Variants in PCDHA1 observed in about 807,000 individuals in gnomAD.
The protein encoded by PCDHA1 is protocadherin alpha-1.
PCDHA1 carries 42 observed loss-of-function variants against 61.3 expected under a neutral mutation model. The observed-to-expected ratio is 0.69, with a 90% CI of 0.54 to 0.89. The LOEUF is 0.89. Among genes scored for constraint, PCDHA1 ranks in the 40% least tolerant of loss-of-function variants. The probability of loss-of-function intolerance (pLI) is 0.00; values close to 1 mark genes in which losing one functional copy is unlikely to be tolerated. For synonymous variants in PCDHA1, 610 were observed against 553.8 expected, an observed-to-expected ratio of 1.10 and a Z score of -1.43; for missense variants, 1,256 against 1,235.3, an observed-to-expected ratio of 1.02 and a Z score of -0.25.
intron 1 of PCDHA1, chr5:140,849,880 T>G (rs2150456156): frequency 3.1e-6 from 5 of 1,598,328 alleles, no homozygotes; most frequent in Non-Finnish European, 4.3e-6. Context: ...GAGTACACGG[T>G]GTTCGTGAAG....
intron 1 of PCDHA1, chr5:140,878,044 G>A (rs1554170271): frequency 1.9e-6 from 1 of 516,218 alleles, no homozygotes; most frequent in Admixed American, 3.9e-5. Flanking sequence ...TGGAGGCCAT[G>A]GAGCACCACA....
intron 1 of PCDHA1, among the ~76,000 whole-genome samples, chr5:140,904,096 T>C (rs2153483454): frequency 6.6e-6 from 1 of 152,312 alleles, no homozygotes; most frequent in Admixed American, 6.5e-5. Flanking sequence ...AATAACTACT[T>C]TAGTGGTCAT....
At chr5:140,898,133 G>T (rs2153459320) in intron 1 of PCDHA1, among the ~76,000 whole-genome samples, 1 of 152,202 alleles carries the variant, frequency 6.6e-6, no homozygotes, top group African/African-American at 2.4e-5. Flanking sequence ...CTCCCATTTT[G>T]TAGGTTGCCT....
chr5:140,946,781 G>A (rs1006814243), intron 1 of PCDHA1, among the ~76,000 whole-genome samples: 6 of 151,330 alleles, frequency 4.0e-5, no homozygotes, highest in African/African-American at 1.2e-4. Flanking sequence ...ATGTAAAAAA[G>A]CTGATCTTAT....
intron 1 of PCDHA1, among the ~76,000 whole-genome samples, chr5:140,960,851 T>C (rs782540669): frequency 5.3e-5 from 8 of 152,210 alleles, no homozygotes; most frequent in Non-Finnish European, 7.3e-5. Context: ...TAATGGCAAC[T>C]ATAAGCCAGA....
At chr5:140,997,884 C>G (rs2097789340) in intron 3 of PCDHA1, among the ~76,000 whole-genome samples, 1 of 152,076 alleles carries the variant, frequency 6.6e-6, no homozygotes, top group African/African-American at 2.4e-5. Context: ...AGTATTTATA[C>G]AGGATAAATT....
chr5:141,010,612 A>C lies in PCDHA1; in HGVS notation c.*675A>C. Reference sequence around the variant, plus strand: ...GTTGGCTGTGACGTCATTATACCTAAAATCTGCATCATACCTGCAAGCCAA... The same window carrying C: ...GTTGGCTGTGACGTCATTATACCTACAATCTGCATCATACCTGCAAGCCAA... On this transcript the variant is annotated 3_prime_UTR_variant, in exon 4 of 4. Transcript: ENST00000504120. 1 of 196,976 alleles carries C rather than the reference A, an allele frequency of 5.1e-6. No individual in the cohort carries two copies. The highest frequency in any genetic ancestry group is 1.0e-5 in the Non-Finnish European group (1 of 95,484). 12.2% of individuals were successfully genotyped at this position (196,976 alleles called of 1,614,324 possible). A position where few individuals can be genotyped will look rare whatever the true frequency, so the allele number is the denominator to read the frequency against.
intron 1 of PCDHA1, chr5:140,795,159 G>A: frequency 6.2e-7 from 1 of 1,614,070 alleles, no homozygotes; most frequent in Non-Finnish European, 8.5e-7. Flanking sequence ...GCCTGTTCCG[G>A]GTGGCGTCCA....
chr5:140,985,901 G>A (rs995663051), intron 3 of PCDHA1, among the ~76,000 whole-genome samples: 3 of 151,818 alleles, frequency 2.0e-5, no homozygotes, highest in Non-Finnish European at 2.9e-5. Flanking sequence ...CACCACTCCC[G>A]TCTAATTTTT....
chr5:140,979,947 A>G (rs781881758), intron 2 of PCDHA1, among the ~76,000 whole-genome samples: 4 of 152,258 alleles, frequency 2.6e-5, no homozygotes, highest in African/African-American at 4.8e-5. Context: ...AGTTAATGTG[A>G]AATTAGTTTT....
intron 1 of PCDHA1, among the ~76,000 whole-genome samples, chr5:140,922,192 T>A (rs1279791359): frequency 6.6e-6 from 1 of 152,158 alleles, no homozygotes; most frequent in East Asian, 1.9e-4. Context: ...AAAAGTCTTA[T>A]CTTTAATGAA....
At chr5:140,997,476 A>G (rs782742177) in intron 3 of PCDHA1, among the ~76,000 whole-genome samples, 1 of 152,196 alleles carries the variant, frequency 6.6e-6, no homozygotes, top group Admixed American at 6.5e-5. Flanking sequence ...TTTTTACACA[A>G]TGATAAGTAT....
chr5:140,967,576 A>T (rs2096159229), intron 1 of PCDHA1: 1 of 1,613,838 alleles, frequency 6.2e-7, no homozygotes, highest in African/African-American at 1.3e-5. Context: ...GGGAGGACTC[A>T]CCCCCAGGCA....
intron 1 of PCDHA1, chr5:140,822,176 G>A (rs2150114361): frequency 6.2e-7 from 1 of 1,614,274 alleles, no homozygotes; most frequent in East Asian, 2.2e-5. Context: ...AGGTTCTCCA[G>A]ACAAGAACAA....
chr5:140,900,586 AC>A (rs1554189274), intron 1 of PCDHA1, among the ~76,000 whole-genome samples: 1 of 151,926 alleles, frequency 6.6e-6, no homozygotes, highest in African/African-American at 2.4e-5. Flanking sequence ...CATTTTCTTT[AC>A]CCGTTCATCT....
Position 140,823,863 on chromosome 5 carries a change from C to A in PCDHA1, c.2394+35179C>A, listed in dbSNP as rs139591086. 8 of 1,613,882 alleles carry A rather than the reference C, an allele frequency of 5.0e-6. No individual in the cohort carries two copies. In the African/African-American group the frequency reaches 8.0e-5, roughly 16 times the overall value. On this transcript the variant is annotated intron_variant, in intron 1 of 3. Transcript: ENST00000504120. ...CCGAGGCTGCCCTGGTGGATGTCAA[C>A]GTGTACCTGATCATCGCCATCTGTG... is the stretch of plus-strand genomic sequence containing the variant.
chr5:140,839,004 T>C (rs1554137267), intron 1 of PCDHA1, among the ~76,000 whole-genome samples: 1 of 152,116 alleles, frequency 6.6e-6, no homozygotes, highest in East Asian at 1.9e-4. Context: ...TAATATACTT[T>C]AGTAAATTAT....
At chr5:140,911,620 C>T (rs2075566183) in intron 1 of PCDHA1, among the ~76,000 whole-genome samples, 1 of 152,146 alleles carries the variant, frequency 6.6e-6, no homozygotes, top group Non-Finnish European at 1.5e-5. Context: ...CTTAGTTCCC[C>T]ACATATGGTC....
intron 1 of PCDHA1, chr5:140,813,487 A>T (rs2126646878): frequency 6.6e-6 from 1 of 152,218 alleles, no homozygotes; most frequent in Non-Finnish European, 1.5e-5. Flanking sequence ...ATATCTAAAC[A>T]TCTAAAAGGT....
Sources: allele counts gnomAD v4.1 joint callset (sites outside exome capture counted in the v4.1 genomes callset), GRCh38; gene constraint gnomAD v4.1.1; transcripts MANE v1.5; gene names NCBI Gene and HGNC (gene_info 2026-07-23, HGNC 2026-07-21).